Variants in DACH1 observed in about 807,000 individuals in gnomAD.
DACH1 encodes dachshund homolog 1.
DACH1 carries 12 observed loss-of-function variants against 54.2 expected under a neutral mutation model. The ratio of observed to expected loss-of-function variants is 0.22; its 90% CI spans 0.14 to 0.36. DACH1 has a LOEUF of 0.36. Among genes scored for constraint, DACH1 ranks in the 10% least tolerant of loss-of-function variants. DACH1 has a pLI of 1.00. For synonymous variants in DACH1, 386 were observed against 366.2 expected (o/e 1.05, Z -0.62); for missense variants, 805 against 929.8 (o/e 0.87, Z 1.75).
chr13:71,553,630 G>T (rs1884045616), intron 6 of DACH1, among the ~76,000 whole-genome samples: 2 of 142,314 alleles, frequency 1.4e-5, no homozygotes, highest in Non-Finnish European at 3.0e-5. Context: ...TATAACATTT[G>T]TTTTTGTATT....
At position 71,748,934 on chromosome 13, in the gene DACH1, TTCTTTCTTTCTTTCTTTCTC is replaced by T. The variant is rs1249071288; in HGVS notation, c.849-67044_849-67025del. Among the ~76,000 whole-genome samples the T allele has an allele frequency of 1.2e-3, 55 of 47,056 alleles. 3 individuals carry two copies. The highest frequency in any genetic ancestry group is 2.5e-3 in the African/African-American group (51 of 20,684). 30.9% of individuals were successfully genotyped at this position (47,056 alleles called of 152,430 possible). The stretch of plus-strand genomic sequence containing the variant: ...TTTCTTTCTTTCTTTCTTTCTTTCT[TTCTTTCTTTCTTTCTTTCTC>T]TCTTTCTTTCTCTCTCTCTCTTTCT... On this transcript the variant is annotated intron_variant, in intron 1 of 10. Coordinates refer to ENST00000613252, the MANE Select transcript of DACH1 (RefSeq NM_080759.6).
intron 10 of DACH1, among the ~76,000 whole-genome samples, chr13:71,454,508 C>T (rs1875375453): frequency 6.6e-6 from 1 of 152,110 alleles, no homozygotes; most frequent in Admixed American, 6.6e-5. Context: ...CGGTAACTTG[C>T]AAGTTGTGGG....
At chr13:71,462,548 C>A (rs1465100093) in intron 10 of DACH1, among the ~76,000 whole-genome samples, 2 of 151,612 alleles carry the variant, frequency 1.3e-5, no homozygotes, top group African/African-American at 4.8e-5. Flanking sequence ...GAGGAGAATG[C>A]AAGATATGTT....
At chr13:71,761,739 G>T (rs975714002) in intron 1 of DACH1, among the ~76,000 whole-genome samples, 2 of 152,048 alleles carry the variant, frequency 1.3e-5, no homozygotes, top group East Asian at 1.9e-4. Context: ...TGCCGGTCCT[G>T]GAGCCATACT....
intron 1 of DACH1, among the ~76,000 whole-genome samples, chr13:71,700,372 A>C (rs1035820781): frequency 1.3e-5 from 2 of 152,006 alleles, no homozygotes; most frequent in Non-Finnish European, 2.9e-5. Context: ...CCTGACTAAC[A>C]CGGTGAAACC....
At chr13:71,805,270 T>C (rs1396825568) in intron 1 of DACH1, among the ~76,000 whole-genome samples, 1 of 152,170 alleles carries the variant, frequency 6.6e-6, no homozygotes, top group Non-Finnish European at 1.5e-5. Context: ...TGATGGCTAC[T>C]TTCTTGATGG....
intron 1 of DACH1, among the ~76,000 whole-genome samples, chr13:71,801,843 GAAAAAAGAAAAAAAAA>G (rs1887301719): frequency 7.3e-6 from 1 of 136,100 alleles, no homozygotes. Flanking sequence ...GCCCAGTACT[GAAAAAAGAAAAAAAAA>G]AAAAAACTTC....
chr13:71,631,367 C>A (rs1468324901), intron 2 of DACH1, among the ~76,000 whole-genome samples: 1 of 152,156 alleles, frequency 6.6e-6, no homozygotes, highest in East Asian at 1.9e-4. Flanking sequence ...CTCCCCCTGA[C>A]CCACGTTTAT....
At chr13:71,822,132 A>G (rs191350182) in intron 1 of DACH1, among the ~76,000 whole-genome samples, 67 of 152,266 alleles carry the variant, frequency 4.4e-4, no homozygotes, top group Middle Eastern at 3.4e-3. Flanking sequence ...TAAACCACAC[A>G]CACACATACA....
intron 2 of DACH1, among the ~76,000 whole-genome samples, chr13:71,657,119 A>T (rs1594057146): frequency 2.0e-5 from 3 of 151,358 alleles, no homozygotes; most frequent in African/African-American, 4.9e-5. Flanking sequence ...AAGTCAACTA[A>T]CTAACCTGAG....
chr13:71,630,439 T>A, intron 3 of DACH1, 117 bp downstream of exon 3: 1 of 1,426,956 alleles, frequency 7.0e-7, no homozygotes, highest in Non-Finnish European at 9.1e-7. Context: ...TACAGTGTTT[T>A]CAAGCTAAAA....
At chr13:71,604,816 A>C (rs1357298295) in intron 3 of DACH1, among the ~76,000 whole-genome samples, 1 of 151,862 alleles carries the variant, frequency 6.6e-6, no homozygotes, top group Non-Finnish European at 1.5e-5. Context: ...TCTGCTAATA[A>C]ATCAAAACAA....
intron 1 of DACH1, among the ~76,000 whole-genome samples, chr13:71,727,415 C>T (rs897105184): frequency 1.3e-5 from 2 of 152,048 alleles, no homozygotes; most frequent in Non-Finnish European, 2.9e-5. Context: ...ACCAACAGCC[C>T]TGGTGCACAT....
intron 1 of DACH1, 124 bp downstream of exon 1, chr13:71,865,798 C>T (rs1874707693): frequency 7.7e-7 from 1 of 1,303,930 alleles, no homozygotes. Context: ...AGGAGAGGGC[C>T]GCGCTCGCCG....
In DACH1 at chr13:71,487,078, C is replaced by T. The variant is rs550067873; in HGVS notation, c.1722+1919G>A. 3.3e-5 allele frequency among the ~76,000 whole-genome samples: 5 copies of T among 152,078 alleles called. No homozygotes were observed. The South Asian group carries it at 1.0e-3, about 32-fold the overall frequency. ...GCTGGCCAGGCTGGTCTCGAACTCC[C>T]GATCTCAGGTGATCCACCTGCCTTG... On this transcript the variant is annotated intron_variant, in intron 7 of 10. Coordinates refer to ENST00000613252, the MANE Select transcript of DACH1 (RefSeq NM_080759.6).
At chr13:71,792,338 G>GTACA (rs1236032945) in intron 1 of DACH1, among the ~76,000 whole-genome samples, 6 of 93,028 alleles carry the variant, frequency 6.4e-5, no homozygotes, top group South Asian at 8.4e-4. Context: ...TAAGTGTTTT[G>GTACA]TACACACACA....
chr13:71,440,401 C>T lies in DACH1; in HGVS notation c.*254G>A, dbSNP rs978647167. On this transcript the variant is annotated 3_prime_UTR_variant, in exon 11 of 11. Transcript: ENST00000613252. ...TATACAATTGTCCAGCAGCAAGTTG[C>T]AGTAATTAACTGTAAGAACTTTGAT... is the stretch of plus-strand genomic sequence containing the variant. 7.5e-6 allele frequency: 3 copies of T among 400,494 alleles called. No homozygotes were observed. Among genetic ancestry groups the T allele is most frequent in the Admixed American group, 9.5e-5 (2 of 21,004 alleles). The allele number at this position is 400,494 out of a possible 1,614,324, so 24.8% of individuals were successfully genotyped here. A position where few individuals can be genotyped will look rare whatever the true frequency, so the allele number is the denominator to read the frequency against.
chr13:71,468,119 GAATAATT>G (rs1183766143), intron 10 of DACH1, among the ~76,000 whole-genome samples: 1 of 151,954 alleles, frequency 6.6e-6, no homozygotes, highest in Non-Finnish European at 1.5e-5. Flanking sequence ...TTTACTATGG[GAATAATT>G]CAACATTGTA....
intron 2 of DACH1, among the ~76,000 whole-genome samples, chr13:71,677,966 T>C (rs1259054366): frequency 6.6e-6 from 1 of 152,060 alleles, no homozygotes; most frequent in Admixed American, 6.6e-5. Context: ...GATCCGCCTG[T>C]CTCAGCCTCC....
Sources: allele counts gnomAD v4.1 joint callset (sites outside exome capture counted in the v4.1 genomes callset), GRCh38; gene constraint gnomAD v4.1.1; transcripts MANE v1.5; gene names NCBI Gene and HGNC (gene_info 2026-07-23, HGNC 2026-07-21).